APBB1IP: variants seen among roughly 807,000 people sequenced by gnomAD.
APBB1IP encodes the protein amyloid beta precursor protein binding family B member 1 interacting protein, also known as amyloid beta A4 precursor protein-binding family B member 1-interacting protein.
A neutral mutation model predicts 64.9 loss-of-function variants in APBB1IP; 27 were observed. That is an observed-to-expected ratio of 0.42 (90% CI 0.31 to 0.57). The LOEUF (loss-of-function observed/expected upper bound fraction) is 0.57. APBB1IP is among the 20% of genes least tolerant of loss of function. The pLI, the probability that APBB1IP is intolerant of heterozygous loss-of-function variation, is 0.20. For synonymous variants in APBB1IP, 392 were observed against 331.0 expected (o/e 1.18, Z -2.00); for missense variants, 812 against 845.5 (o/e 0.96, Z 0.49).
intron 2 of APBB1IP, among the ~76,000 whole-genome samples, chr10:26,451,573 A>C (rs1280482993): frequency 6.6e-6 from 1 of 152,216 alleles, no homozygotes; most frequent in Non-Finnish European, 1.5e-5. Flanking sequence ...AAATTCAGCC[A>C]CTATTGAGAT....
At chr10:26,489,060 A>G (rs1307691397) in intron 2 of APBB1IP, among the ~76,000 whole-genome samples, 2 of 152,188 alleles carry the variant, frequency 1.3e-5, no homozygotes, top group Non-Finnish European at 2.9e-5. Context: ...ACAGTTTTAC[A>G]ACTTCCCATG....
chr10:26,493,036 G>A (rs765566399), intron 3 of APBB1IP, among the ~76,000 whole-genome samples: 5 of 152,146 alleles, frequency 3.3e-5, no homozygotes, highest in African/African-American at 7.2e-5. Flanking sequence ...GCCCCCCCGG[G>A]AATGCATTCT....
At chr10:26,510,754 A>T (rs952091667) in intron 6 of APBB1IP, among the ~76,000 whole-genome samples, 1 of 151,644 alleles carries the variant, frequency 6.6e-6, no homozygotes, top group Non-Finnish European at 1.5e-5. Flanking sequence ...ACACACACAC[A>T]CACACACACA....
intron 11 of APBB1IP, among the ~76,000 whole-genome samples, chr10:26,550,290 A>G (rs1042617741): frequency 2.0e-5 from 3 of 151,822 alleles, no homozygotes; most frequent in Admixed American, 2.0e-4. Context: ...GGATATTTGT[A>G]TCTTTCTTCT....
chr10:26,449,542 C>G (rs904037994), intron 2 of APBB1IP, among the ~76,000 whole-genome samples: 1 of 152,078 alleles, frequency 6.6e-6, no homozygotes, highest in Non-Finnish European at 1.5e-5. Context: ...GTGTGTGTGT[C>G]TGTGTGAGCC....
chr10:26,454,798 C>T (rs1835504127), intron 2 of APBB1IP, among the ~76,000 whole-genome samples: 1 of 152,162 alleles, frequency 6.6e-6, no homozygotes, highest in Non-Finnish European at 1.5e-5. Flanking sequence ...TTATGCATTG[C>T]ACGCCTGTAT....
rs567733779 is a variant in APBB1IP at position 26,540,676 on chromosome 10, T to C, written c.1045-906T>C. Among the ~76,000 whole-genome samples, 29 of 152,238 alleles carry C rather than the reference T, an allele frequency of 1.9e-4. No individual in the cohort carries two copies. In the South Asian group the frequency reaches 6.0e-3, roughly 32 times the overall value. On this transcript the variant is annotated intron_variant, in intron 10 of 14. Transcript: ENST00000376236. ...TGCCATCTATTCTTTATTCACTAAC[T>C]AGTAAAGAAATATAGAAAGCGAAAC... is the stretch of plus-strand genomic sequence containing the variant.
intron 5 of APBB1IP, chr10:26,502,043 C>A (rs1224704581): frequency 1.3e-5 from 2 of 152,266 alleles, no homozygotes; most frequent in African/African-American, 4.8e-5. Context: ...TCGAGGGGGC[C>A]ATGCACCCGC....
At chr10:26,441,041 A>T (rs1465827341) in intron 2 of APBB1IP, among the ~76,000 whole-genome samples, 1 of 152,184 alleles carries the variant, frequency 6.6e-6, no homozygotes, top group Non-Finnish European at 1.5e-5. Context: ...ATAGGACCCC[A>T]TGAGTTTATA....
At chr10:26,502,248 A>C (rs1288469345) in intron 5 of APBB1IP, among the ~76,000 whole-genome samples, 2 of 152,262 alleles carry the variant, frequency 1.3e-5, no homozygotes, top group South Asian at 2.1e-4. Flanking sequence ...ACTTGCAAAA[A>C]TCAAAGAGCT....
intron 2 of APBB1IP, among the ~76,000 whole-genome samples, chr10:26,450,265 A>C (rs921704934): frequency 6.6e-6 from 1 of 152,244 alleles, no homozygotes; most frequent in Non-Finnish European, 1.5e-5. Context: ...GGCATGTAGC[A>C]TGCGCTCAAA....
At chr10:26,530,672 G>A (rs888568034) in intron 8 of APBB1IP, among the ~76,000 whole-genome samples, 2 of 145,762 alleles carry the variant, frequency 1.4e-5, no homozygotes, top group African/African-American at 5.2e-5. Context: ...CCTGGCGACA[G>A]AGCAAGACTC....
intron 2 of APBB1IP, among the ~76,000 whole-genome samples, chr10:26,482,924 G>GAAAA (rs35279566): frequency 7.7e-6 from 1 of 130,058 alleles, no homozygotes; most frequent in Non-Finnish European, 1.6e-5. Context: ...TTTCTCAAGT[G>GAAAA]AAAAAAAAAA....
At chr10:26,531,999 T>A (rs1836560828) in intron 8 of APBB1IP, among the ~76,000 whole-genome samples, 2 of 152,186 alleles carry the variant, frequency 1.3e-5, no homozygotes. Flanking sequence ...ATAAAAATCA[T>A]CTGGAAAGCA....
chr10:26,563,961 A>G (rs1298730329), intron 14 of APBB1IP, among the ~76,000 whole-genome samples: 1 of 151,722 alleles, frequency 6.6e-6, no homozygotes, highest in Non-Finnish European at 1.5e-5. Context: ...TGAAAGAAAT[A>G]AAAGAATCTC....
intron 14 of APBB1IP, 95 bp downstream of exon 14, chr10:26,562,524 G>A: frequency 9.5e-7 from 1 of 1,054,636 alleles, no homozygotes; most frequent in Non-Finnish European, 1.4e-6. Context: ...AATAAGCTGA[G>A]TGCAGTAGCT....
chr10:26,496,289 G>T lies in APBB1IP; in HGVS notation c.73-15G>T. 6.3e-7 allele frequency: 1 copy of T among 1,591,668 alleles called. No homozygotes were observed. On this transcript the variant is annotated splice_polypyrimidine_tract_variant and intron_variant, in intron 3 of 14. Coordinates refer to ENST00000376236, the MANE Select transcript of APBB1IP (RefSeq NM_019043.4). ...GTATCATGAATAACTTTGATGGGGG[G>T]ATCTTTTTTCACAGAGTTTAGGAGT... is the stretch of plus-strand genomic sequence containing the variant.
chr10:26,462,650 A>C (rs2132407781), intron 2 of APBB1IP, among the ~76,000 whole-genome samples: 1 of 152,260 alleles, frequency 6.6e-6, no homozygotes, highest in East Asian at 1.9e-4. Context: ...GGATTTTTTC[A>C]TCTATATTTG....
In APBB1IP at chr10:26,501,117, T is replaced by C. The variant is rs770881269; in HGVS notation, c.453+6T>C. ...CTCCTGAACCTCTCTCTCAGGTAAG[T>C]ATGTGGGACCAGAGATGGCAGGACC... On this transcript the variant is annotated splice_donor_region_variant and intron_variant, in intron 5 of 14. Transcript: ENST00000376236. 3 of 1,614,162 alleles carry C rather than the reference T, an allele frequency of 1.9e-6. No individual in the cohort carries two copies. The highest frequency in any genetic ancestry group is 2.5e-6 in the Non-Finnish European group (3 of 1,180,002).
Sources: allele counts gnomAD v4.1 joint callset (sites outside exome capture counted in the v4.1 genomes callset), GRCh38; gene constraint gnomAD v4.1.1; transcripts MANE v1.5; gene names NCBI Gene and HGNC (gene_info 2026-07-23, HGNC 2026-07-21).